RGS7: variants seen among roughly 807,000 people sequenced by gnomAD.
RGS7 encodes the protein regulator of G-protein signaling 7.
In RGS7, 27 loss-of-function variants were observed where a neutral mutation model predicts 81.1. The observed-to-expected ratio is 0.33, with a 90% confidence interval of 0.25 to 0.46. The LOEUF (loss-of-function observed/expected upper bound fraction) is 0.46, where lower values mean the gene tolerates loss of function less well. Among genes scored for constraint, RGS7 ranks in the 20% least tolerant of loss-of-function variants. The pLI, the probability that RGS7 is intolerant of heterozygous loss-of-function variation, is 1.00. For synonymous variants in RGS7, 208 were observed against 207.7 expected (o/e 1.00, Z -0.01); for missense variants, 396 against 607.4 (o/e 0.65, Z 3.66).
intron 3 of RGS7, among the ~76,000 whole-genome samples, chr1:241,018,755 G>T (rs1558604305): frequency 6.6e-6 from 1 of 151,836 alleles, no homozygotes; most frequent in South Asian, 2.1e-4. Flanking sequence ...CTCCTCAAGG[G>T]GTAGAGGTTT....
intron 3 of RGS7, among the ~76,000 whole-genome samples, chr1:240,989,528 G>T (rs1006657201): frequency 2.3e-4 from 35 of 151,490 alleles, no homozygotes; most frequent in African/African-American, 8.3e-4. Flanking sequence ...TCCTCTCCAT[G>T]ACTACCAATG....
At chr1:240,901,158 G>A (rs1669942301) in intron 6 of RGS7, among the ~76,000 whole-genome samples, 1 of 152,186 alleles carries the variant, frequency 6.6e-6, no homozygotes, top group Non-Finnish European at 1.5e-5. Flanking sequence ...CAGTATTAGG[G>A]TGGGAGTGTC....
chr1:240,954,324 A>G (rs1680008604), intron 4 of RGS7, among the ~76,000 whole-genome samples: 2 of 152,122 alleles, frequency 1.3e-5, no homozygotes, highest in Non-Finnish European at 2.9e-5. Context: ...ATTTTCTCTT[A>G]TTGACATAGA....
intron 2 of RGS7, among the ~76,000 whole-genome samples, chr1:241,181,121 A>G (rs1346889356): frequency 6.6e-6 from 1 of 152,262 alleles, no homozygotes; most frequent in African/African-American, 2.4e-5. Flanking sequence ...GTATGATTCT[A>G]TAACGGTGGA....
intron 2 of RGS7, among the ~76,000 whole-genome samples, chr1:241,249,135 T>C (rs529196647): frequency 2.0e-5 from 3 of 152,312 alleles, no homozygotes; most frequent in South Asian, 2.1e-4. Context: ...GTATAACTTA[T>C]TGATTTTTTT....
rs554056366 is a variant in RGS7 at position 241,045,854 on chromosome 1, T to C, written c.175+52812A>G. Among the ~76,000 whole-genome samples the C allele has an allele frequency of 5.3e-5, 8 of 152,292 alleles. No individual in the cohort carries two copies. The East Asian group carries it at 1.5e-3, about 29-fold the overall frequency. On this transcript the variant is annotated intron_variant, in intron 3 of 18. Coordinates refer to ENST00000440928, the MANE Select transcript of RGS7 (RefSeq NM_001364886.1). ...TTTAAAGTATTTCAAGAGAGAGGTTTTCAGGGAAGGCAAAGGGGCCCTGGA... is the reference window on the plus strand; with the variant it reads ...TTTAAAGTATTTCAAGAGAGAGGTTCTCAGGGAAGGCAAAGGGGCCCTGGA...
chr1:241,059,658 T>C (rs558509287), intron 3 of RGS7, among the ~76,000 whole-genome samples: 1 of 152,262 alleles, frequency 6.6e-6, no homozygotes, highest in South Asian at 2.1e-4. Context: ...GCCTATGCCT[T>C]TGAAGCACCA....
At chr1:241,077,199 A>G (rs915932794) in intron 3 of RGS7, among the ~76,000 whole-genome samples, 1 of 152,224 alleles carries the variant, frequency 6.6e-6, no homozygotes, top group African/African-American at 2.4e-5. Context: ...ATATTCCTCC[A>G]TAACAAAATG....
intron 5 of RGS7, among the ~76,000 whole-genome samples, chr1:240,933,044 G>A (rs192115265): frequency 2.5e-4 from 36 of 145,494 alleles, no homozygotes; most frequent in Admixed American, 3.4e-4. Flanking sequence ...CACCACGCCC[G>A]GCTAATTTTT....
chr1:241,306,073 T>C (rs2080094435), intron 2 of RGS7, among the ~76,000 whole-genome samples: 1 of 151,900 alleles, frequency 6.6e-6, no homozygotes, highest in Non-Finnish European at 1.5e-5. Flanking sequence ...AGGTTAATGG[T>C]TAATATATTT....
intron 4 of RGS7, among the ~76,000 whole-genome samples, chr1:240,964,301 T>C (rs1681943704): frequency 6.6e-6 from 1 of 152,066 alleles, no homozygotes; most frequent in Non-Finnish European, 1.5e-5. Context: ...AAATAGGAGA[T>C]CGATCCGATT....
At chr1:241,179,588 C>T (rs1206073687) in intron 2 of RGS7, among the ~76,000 whole-genome samples, 1 of 152,042 alleles carries the variant, frequency 6.6e-6, no homozygotes, top group Non-Finnish European at 1.5e-5. Flanking sequence ...ATATTTAGTC[C>T]CCACAAGCTC....
intron 2 of RGS7, among the ~76,000 whole-genome samples, chr1:241,209,526 T>C (rs2074122082): frequency 6.6e-6 from 1 of 152,148 alleles, no homozygotes; most frequent in Non-Finnish European, 1.5e-5. Flanking sequence ...CCAAGCACTG[T>C]TCTAATAATT....
At chr1:241,197,794 C>A (rs1273573405) in intron 2 of RGS7, among the ~76,000 whole-genome samples, 2 of 142,042 alleles carry the variant, frequency 1.4e-5, no homozygotes, top group African/African-American at 5.2e-5. Flanking sequence ...ACTGATGGAC[C>A]AGGCAGAAAA....
chr1:241,146,843 C>T (rs2103108900), intron 2 of RGS7, among the ~76,000 whole-genome samples: 1 of 152,240 alleles, frequency 6.6e-6, no homozygotes, highest in East Asian at 1.9e-4. Context: ...TGAGGACCCA[C>T]TTTCTGATTC....
At chr1:241,120,283 C>T (rs1363852600) in intron 2 of RGS7, among the ~76,000 whole-genome samples, 1 of 152,204 alleles carries the variant, frequency 6.6e-6, no homozygotes, top group Non-Finnish European at 1.5e-5. Flanking sequence ...TTTTCTCATA[C>T]ACCTTGCTCT....
At chr1:241,310,366 T>A (rs1450052786) in intron 2 of RGS7, among the ~76,000 whole-genome samples, 2 of 142,794 alleles carry the variant, frequency 1.4e-5, no homozygotes, top group Non-Finnish European at 3.1e-5. Context: ...GGTGTGAGAG[T>A]GTGTGTGTGT....
At chr1:241,152,471 T>C (rs965899936) in intron 2 of RGS7, among the ~76,000 whole-genome samples, 3 of 152,234 alleles carry the variant, frequency 2.0e-5, no homozygotes, top group African/African-American at 4.8e-5. Context: ...TCAATAGCAA[T>C]TGCTATTTTC....
rs2070045479 is a variant in RGS7 at position 241,164,742 on chromosome 1, A to G, written c.79-65980T>C. On this transcript the variant is annotated intron_variant, in intron 2 of 18. Coordinates refer to ENST00000440928, the MANE Select transcript of RGS7 (RefSeq NM_001364886.1). This position sits in a 1 kb window ranked among gnomAD's most constrained non-coding sequence, Gnocchi z 4.1. ...CCAACAAAACACATCCCCTACTCAG[A>G]TTCTGCGCATGGGCCACCGATTTGC... 6.6e-6 allele frequency among the ~76,000 whole-genome samples: 1 copy of G among 152,212 alleles called. No homozygotes were observed. Among genetic ancestry groups the G allele is most frequent in the Non-Finnish European group, 1.5e-5 (1 of 68,042 alleles).
Sources: allele counts gnomAD v4.1 joint callset (sites outside exome capture counted in the v4.1 genomes callset), GRCh38; gene constraint gnomAD v4.1.1; non-coding constraint Gnocchi (gnomAD v3.1); transcripts MANE v1.5; gene names NCBI Gene and HGNC (gene_info 2026-07-23, HGNC 2026-07-21).